GALNT18: variants seen among roughly 807,000 people sequenced by gnomAD.
The protein encoded by GALNT18 is polypeptide N-acetylgalactosaminyltransferase 18.
In GALNT18, 44 loss-of-function variants were observed where a neutral mutation model predicts 69.5. The ratio of observed to expected loss-of-function variants is 0.63; its 90% CI spans 0.50 to 0.81. The LOEUF is 0.81. GALNT18 is among the 40% of genes least tolerant of loss of function. GALNT18 has a pLI of 0.00. For synonymous variants in GALNT18, 364 were observed against 318.2 expected (o/e 1.14, Z -1.53); for missense variants, 715 against 810.0 (o/e 0.88, Z 1.42).
At chr11:11,282,142 C>T (rs1849092213) in intron 10 of GALNT18, among the ~76,000 whole-genome samples, 1 of 152,154 alleles carries the variant, frequency 6.6e-6, no homozygotes, top group African/African-American at 2.4e-5. Context: ...CCTCCTGTCC[C>T]CCTTCTTGAC....
intron 5 of GALNT18, among the ~76,000 whole-genome samples, chr11:11,374,241 G>A (rs754189136): frequency 8.5e-5 from 13 of 152,088 alleles, no homozygotes; most frequent in East Asian, 1.9e-4. Context: ...TCCCCCTTCC[G>A]GATGCATGTC....
At chr11:11,295,442 C>T (rs1030542794) in intron 9 of GALNT18, among the ~76,000 whole-genome samples, 2 of 150,676 alleles carry the variant, frequency 1.3e-5, no homozygotes, top group East Asian at 1.9e-4. Context: ...GTCACCAGAA[C>T]GTGTAAGAGA....
In GALNT18 at chr11:11,571,705, T is replaced by C. The variant is rs186405413; in HGVS notation, c.235+49654A>G. 1.1e-3 allele frequency among the ~76,000 whole-genome samples: 171 copies of C among 152,312 alleles called. 1 individual carries two copies. The highest frequency in any genetic ancestry group is 1.9e-3 in the Non-Finnish European group (128 of 68,032). On this transcript the variant is annotated intron_variant, in intron 1 of 10. Coordinates refer to ENST00000227756, the MANE Select transcript of GALNT18 (RefSeq NM_198516.3). ...AAAGGATGTTTCAATCCTATTTAAATAGACTTTCTCCACAAATCCCATAAC... is the reference window on the plus strand; with the variant it reads ...AAAGGATGTTTCAATCCTATTTAAACAGACTTTCTCCACAAATCCCATAAC...
rs944034906 is a variant in GALNT18, at chr11:11,598,691, G to A, written c.235+22668C>T. Among the ~76,000 whole-genome samples, 1 of 152,060 alleles carries A rather than the reference G, an allele frequency of 6.6e-6. No homozygotes were observed. Among genetic ancestry groups the A allele is most frequent in the Admixed American group, 6.5e-5 (1 of 15,274 alleles). On this transcript the variant is annotated intron_variant, in intron 1 of 10. Transcript: ENST00000227756. The surrounding 1 kb of genome is among the most constrained non-coding windows in gnomAD (Gnocchi z 4.8). ...ACTTTTGTCAACCTATCACAGCTAG[G>A]TAATTAAGATATTTTTTCTTTTTCA...
At chr11:11,493,503 GTAA>G (rs1856814493) in intron 1 of GALNT18, among the ~76,000 whole-genome samples, 1 of 152,074 alleles carries the variant, frequency 6.6e-6, no homozygotes, top group East Asian at 1.9e-4. Flanking sequence ...TCTGTGAGTG[GTAA>G]TAATATTAGC....
intron 1 of GALNT18, among the ~76,000 whole-genome samples, chr11:11,577,716 T>C (rs1858960857): frequency 6.6e-6 from 1 of 152,220 alleles, no homozygotes; most frequent in Non-Finnish European, 1.5e-5. Flanking sequence ...AGCTCTCATC[T>C]TCTTGTCAAG....
intron 10 of GALNT18, among the ~76,000 whole-genome samples, chr11:11,278,897 A>T (rs1641660720): frequency 6.6e-6 from 1 of 152,250 alleles, no homozygotes; most frequent in African/African-American, 2.4e-5. Context: ...GAGGTAAAAG[A>T]TAACCCAATT....
intron 1 of GALNT18, among the ~76,000 whole-genome samples, chr11:11,482,142 A>T (rs1254403955): frequency 6.6e-6 from 1 of 152,196 alleles, no homozygotes; most frequent in Non-Finnish European, 1.5e-5. Context: ...CCTGGACTGC[A>T]TGGAGCTAGT....
At chr11:11,301,176 G>T (rs1370187440) in intron 9 of GALNT18, among the ~76,000 whole-genome samples, 1 of 152,148 alleles carries the variant, frequency 6.6e-6, no homozygotes, top group African/African-American at 2.4e-5. Context: ...CTGATCAATA[G>T]GTCTGCAGGT....
chr11:11,276,078 G>T (rs1012644730), intron 10 of GALNT18, among the ~76,000 whole-genome samples: 2 of 152,180 alleles, frequency 1.3e-5, no homozygotes, highest in African/African-American at 4.8e-5. Context: ...GAAAGTCAGT[G>T]GTAGCTTGAT....
chr11:11,404,805 TATG>T lies in GALNT18; in HGVS notation c.596-25544_596-25542del, dbSNP rs1051842181. 2.7e-4 allele frequency among the ~76,000 whole-genome samples: 41 copies of T among 152,220 alleles called. No individual in the cohort carries two copies. Among genetic ancestry groups the T allele is most frequent in the African/African-American group, 9.6e-4 (40 of 41,524 alleles). On this transcript the variant is annotated intron_variant, in intron 3 of 10. Coordinates refer to ENST00000227756, the MANE Select transcript of GALNT18 (RefSeq NM_198516.3). The surrounding 1 kb of genome is among the most constrained non-coding windows in gnomAD (Gnocchi z 4.5). ...ACCATACCCTGGCGACTCCATCAGC[TATG>T]ATTTCACCACCACCTGGCCTCAACT...
intron 6 of GALNT18, among the ~76,000 whole-genome samples, chr11:11,365,601 A>G (rs1313659572): frequency 1.3e-5 from 2 of 152,174 alleles, no homozygotes; most frequent in Non-Finnish European, 2.9e-5. Flanking sequence ...GAACTAATTT[A>G]CATTCCCAGT....
chr11:11,365,293 A>G (rs553359753), intron 6 of GALNT18, among the ~76,000 whole-genome samples: 243 of 152,296 alleles, frequency 1.6e-3, no homozygotes, highest in Non-Finnish European at 2.7e-3. Flanking sequence ...GATGGCTTCC[A>G]GCTTCATCCA....
chr11:11,570,547 C>CT (rs1268011846), intron 1 of GALNT18, among the ~76,000 whole-genome samples: 2 of 152,226 alleles, frequency 1.3e-5, no homozygotes, highest in Non-Finnish European at 2.9e-5. Context: ...GCCTAGAAAG[C>CT]TTTTTTCCAC....
chr11:11,309,075 G>A lies in GALNT18; in HGVS notation c.1513-15882C>T, dbSNP rs576354360. Among the ~76,000 whole-genome samples the A allele has an allele frequency of 1.3e-5, 2 of 152,110 alleles. No homozygotes were observed. The highest frequency in any genetic ancestry group is 2.1e-4 in the South Asian group (1 of 4,802). On this transcript the variant is annotated intron_variant, in intron 9 of 10. Coordinates refer to ENST00000227756, the MANE Select transcript of GALNT18 (RefSeq NM_198516.3). The surrounding 1 kb of genome is among the most constrained non-coding windows in gnomAD (Gnocchi z 4.6). ...TGGGAGGTAGGGCCTAATGGAAGGT[G>A]TTTGGATCACTGGAGCACTGCCCTC...
At chr11:11,369,752 T>C (rs1392791036) in intron 6 of GALNT18, among the ~76,000 whole-genome samples, 1 of 152,150 alleles carries the variant, frequency 6.6e-6, no homozygotes, top group Admixed American at 6.5e-5. Flanking sequence ...CTCATTTCGT[T>C]GTGCTTGGCC....
chr11:11,352,093 T>C (rs754440428), intron 6 of GALNT18: 1 of 1,613,704 alleles, frequency 6.2e-7, no homozygotes, highest in South Asian at 1.1e-5. Context: ...ACGGGCGTAC[T>C]GCCCCCTGGC....
At chr11:11,559,113 G>A (rs762798102) in intron 1 of GALNT18, among the ~76,000 whole-genome samples, 23 of 152,194 alleles carry the variant, frequency 1.5e-4, no homozygotes, top group African/African-American at 1.9e-4. Flanking sequence ...GTTAATATAC[G>A]TGAAATTCTA....
At position 11,564,187 on chromosome 11, in the gene GALNT18, C is replaced by T. The variant is rs1241374365; in HGVS notation, c.235+57172G>A. Among the ~76,000 whole-genome samples the T allele has an allele frequency of 6.6e-6, 1 of 152,180 alleles. No homozygotes were observed. Among genetic ancestry groups the T allele is most frequent in the African/African-American group, 2.4e-5 (1 of 41,442 alleles). The stretch of plus-strand genomic sequence containing the variant: ...AGGCCAGAGAGTTTATAAGCTTCCA[C>T]GCTAGAACGTGTGACTGCAAGTCCC... On this transcript the variant is annotated intron_variant, in intron 1 of 10. Coordinates refer to ENST00000227756, the MANE Select transcript of GALNT18 (RefSeq NM_198516.3). This position sits in a 1 kb window ranked among gnomAD's most constrained non-coding sequence, Gnocchi z 4.3.
Sources: allele counts gnomAD v4.1 joint callset (sites outside exome capture counted in the v4.1 genomes callset), GRCh38; gene constraint gnomAD v4.1.1; non-coding constraint Gnocchi (gnomAD v3.1); transcripts MANE v1.5; gene names NCBI Gene and HGNC (gene_info 2026-07-23, HGNC 2026-07-21).